The following DNAH7 variants were observed in gnomAD, a reference collection of about 807,000 sequenced individuals.
The protein encoded by DNAH7 is axonemal beta dynein heavy chain 7.
A neutral mutation model predicts 444.6 loss-of-function variants in DNAH7; 397 were observed. That is an observed-to-expected ratio of 0.89 (90% CI 0.82 to 0.97). DNAH7 has a LOEUF of 0.97. Ranked by LOEUF, DNAH7 falls within the 50% of genes least tolerant of loss-of-function variation. DNAH7 has a pLI of 0.00. For synonymous variants in DNAH7, 1,636 were observed against 1,624.4 expected, an observed-to-expected ratio of 1.01 and a Z score of -0.17; for missense variants, 4,902 against 4,800.8, an observed-to-expected ratio of 1.02 and a Z score of -0.62.
intron 41 of DNAH7, 56 bp from the exon 42 acceptor site, chr2:195,862,002 T>G: frequency 3.7e-6 from 5 of 1,339,124 alleles, no homozygotes; most frequent in Non-Finnish European, 4.3e-6. Context: ...CTGGATCTGC[T>G]ACTACTGCAG....
intron 51 of DNAH7, among the ~76,000 whole-genome samples, chr2:195,814,040 C>T (rs968325827): frequency 1.3e-5 from 2 of 152,122 alleles, no homozygotes; most frequent in African/African-American, 4.8e-5. Flanking sequence ...CAGTGGTCAC[C>T]TTGGGGGAGA....
intron 15 of DNAH7, among the ~76,000 whole-genome samples, chr2:195,978,949 G>C (rs1692381830): frequency 6.6e-6 from 1 of 152,072 alleles, no homozygotes; most frequent in African/African-American, 2.4e-5. Context: ...GCTAAAGAGA[G>C]AGATAGACCT....
chr2:195,851,986 C>T (rs1574565078), intron 46 of DNAH7, among the ~76,000 whole-genome samples: 1 of 152,170 alleles, frequency 6.6e-6, no homozygotes. Context: ...TGGCAGGGCA[C>T]GGTGGCTCAC....
At chr2:195,844,112 C>T (rs1004000082) in intron 47 of DNAH7, among the ~76,000 whole-genome samples, 16 of 144,350 alleles carry the variant, frequency 1.1e-4, no homozygotes, top group Admixed American at 6.9e-4. Context: ...AAACAAAAAA[C>T]CCAAAAACCA....
intron 63 of DNAH7, among the ~76,000 whole-genome samples, chr2:195,742,796 T>A (rs1257836024): frequency 6.6e-6 from 1 of 152,230 alleles, no homozygotes; most frequent in East Asian, 1.9e-4. Context: ...AGTCACCTAG[T>A]AGTACCTAGC....
chr2:195,831,047 C>T (rs937709379), intron 48 of DNAH7, among the ~76,000 whole-genome samples: 1 of 152,010 alleles, frequency 6.6e-6, no homozygotes, highest in Non-Finnish European at 1.5e-5. Context: ...AAGTAAAGTG[C>T]TGGGAGATGA....
In DNAH7 at chr2:196,001,746, T is replaced by C. The variant is rs1694049798; in HGVS notation, c.1102A>G (p.Met368Val). The change falls in exon 11 of 65, where the codon ATG (methionine) becomes GTG (valine). Residue 368 changes from methionine (M) to valine (V), a missense_variant. By Grantham distance (21) the Met-to-Val change is conservative. Transcript: ENST00000312428. Reference protein sequence around the residue: ...ESFFNCAAALMTLQLQDLTLV... With the variant: ...ESFFNCAAALVTLQLQDLTLV... ...GTGAGGTCCTGCAGCTGTAAAGTCA[T>C]AAGTGCAGCAGCACAGTTGAAAAAA... 3 of 1,609,856 alleles carry C rather than the reference T, an allele frequency of 1.9e-6. No individual in the cohort carries two copies. Among genetic ancestry groups the C allele is most frequent in the Admixed American group, 1.7e-5 (1 of 59,466 alleles).
intron 1 of DNAH7, 81 bp downstream of exon 1, chr2:196,068,616 G>A: frequency 3.3e-6 from 5 of 1,536,384 alleles, no homozygotes; most frequent in African/African-American, 1.4e-5. Flanking sequence ...AGTTCGCTAG[G>A]CAGGAGGGGC....
chr2:195,915,324 AAAAG>A (rs1687608951), intron 24 of DNAH7, among the ~76,000 whole-genome samples: 2 of 152,192 alleles, frequency 1.3e-5, no homozygotes, highest in Admixed American at 1.3e-4. Flanking sequence ...ATTGAGGAAC[AAAAG>A]AAAGGGAGAG....
chr2:195,970,709 A>G (rs944872673), intron 16 of DNAH7, among the ~76,000 whole-genome samples: 4 of 152,246 alleles, frequency 2.6e-5, no homozygotes, highest in African/African-American at 4.8e-5. Flanking sequence ...GCCTTATTAC[A>G]TAATTGGTAT....
At chr2:195,776,053 G>A in intron 59 of DNAH7, 70 bp from the exon 60 acceptor site, 2 of 1,574,924 alleles carry the variant, frequency 1.3e-6, no homozygotes, top group South Asian at 1.2e-5. Context: ...TCACAGAAAA[G>A]AGGCAGTTTT....
intron 59 of DNAH7, 115 bp from the exon 60 acceptor site, chr2:195,776,098 C>A (rs1695045848): frequency 7.8e-7 from 1 of 1,287,398 alleles, no homozygotes; most frequent in South Asian, 1.5e-5. Context: ...AGGCCTGTGA[C>A]ACTGGACATT....
chr2:195,951,052 T>C (rs1690219303), intron 19 of DNAH7, among the ~76,000 whole-genome samples: 1 of 152,096 alleles, frequency 6.6e-6, no homozygotes, highest in Admixed American at 6.5e-5. Context: ...TTTTAGATCT[T>C]TCCCACTTTC....
intron 51 of DNAH7, among the ~76,000 whole-genome samples, chr2:195,815,711 AAC>A (rs1195788635): frequency 6.6e-6 from 1 of 152,238 alleles, no homozygotes; most frequent in East Asian, 1.9e-4. Flanking sequence ...CTCTATTAAA[AAC>A]ATGTCTTGGC....
At position 195,737,912 on chromosome 2, in the gene DNAH7, G is replaced by A. The variant is rs776971954; in HGVS notation, c.*9C>T. On this transcript the variant is annotated 3_prime_UTR_variant, in exon 65 of 65. Transcript: ENST00000312428. ...CAAGAAATAGGAACAAGGAAATGAT[G>A]TCTTCTGGTTATGAATTAAGTTGAC... The A allele has an allele frequency of 2.3e-5, 37 of 1,612,396 alleles. No individual in the cohort carries two copies. The highest frequency in any genetic ancestry group is 3.3e-5 in the South Asian group (3 of 91,044).
chr2:195,786,928 A>T, intron 58 of DNAH7, 82 bp downstream of exon 58: 1 of 1,377,618 alleles, frequency 7.3e-7, no homozygotes, highest in Non-Finnish European at 9.7e-7. Flanking sequence ...GAAATTAATC[A>T]GAAGTGCCCA....
intron 15 of DNAH7, among the ~76,000 whole-genome samples, chr2:195,978,618 A>C (rs1274724188): frequency 6.6e-6 from 1 of 152,168 alleles, no homozygotes; most frequent in Non-Finnish European, 1.5e-5. Flanking sequence ...CTCCAATCAA[A>C]AAACATAGCC....
In DNAH7 at chr2:196,008,566, T is replaced by C. The variant is rs57775783; in HGVS notation, c.989+4221A>G. Among the ~76,000 whole-genome samples, 511 of 152,312 alleles carry C rather than the reference T, an allele frequency of 3.4e-3. 5 individuals carry two copies. Among genetic ancestry groups the C allele is most frequent in the African/African-American group, 0.012 (499 of 41,570 alleles). On this transcript the variant is annotated intron_variant, in intron 10 of 64. Transcript: ENST00000312428. Reference sequence around the variant, plus strand: ...AATGTCTTATATCCATATACTGAAATATCATTTGGCCATACTGAAGTATCA... The same window carrying C: ...AATGTCTTATATCCATATACTGAAACATCATTTGGCCATACTGAAGTATCA...
At position 196,019,160 on chromosome 2, in the gene DNAH7, A is replaced by G. The variant is rs1695213093; in HGVS notation, c.869+10T>C. On this transcript the variant is annotated intron_variant, in intron 9 of 64. Transcript: ENST00000312428. ...ATTTTAAAAACCTCTATAAGGCCAC[A>G]TATACTCACTTAAAATTAGTGTGCC... 1 of 1,464,216 alleles carries G rather than the reference A, an allele frequency of 6.8e-7. No individual in the cohort carries two copies. The highest frequency in any genetic ancestry group is 1.6e-5 in the South Asian group (1 of 60,742). The allele number at this position is 1,464,216 out of a possible 1,614,324, so 90.7% of individuals were successfully genotyped here. A position where few individuals can be genotyped will look rare whatever the true frequency, so the allele number is the denominator to read the frequency against.
Sources: gnomAD v4.1 joint callset for allele counts (sites outside exome capture counted in the v4.1 genomes callset) on GRCh38, gnomAD v4.1.1 for gene constraint, MANE v1.5 for transcripts, NCBI Gene and HGNC (gene_info 2026-07-23, HGNC 2026-07-21) for gene names.